Variants in SLC7A9 observed in about 807,000 individuals in gnomAD.
The protein encoded by SLC7A9 is B(0,+)-type amino acid transporter 1.
A neutral mutation model predicts 54.1 loss-of-function variants in SLC7A9; 38 were observed. The observed-to-expected ratio is 0.70, with a 90% CI of 0.54 to 0.92. SLC7A9 has a LOEUF of 0.92. Among genes scored for constraint, SLC7A9 ranks in the 40% least tolerant of loss-of-function variants. SLC7A9 has a pLI of 0.00. For synonymous variants in SLC7A9, 264 were observed against 258.9 expected (o/e 1.02, Z -0.19); for missense variants, 537 against 636.1 (o/e 0.84, Z 1.68).
rs530718911 is a variant in SLC7A9 at position 32,866,807 on chromosome 19, T to C, written c.87+1641A>G. ...CCTAAAGCCTTGGTGCCGTCCCTCC[T>C]CCATCCCCTCTGCTGCCAGGCATGG... On this transcript the variant is annotated intron_variant, in intron 2 of 12. Transcript: ENST00000023064. 9.2e-5 allele frequency among the ~76,000 whole-genome samples: 14 copies of C among 152,004 alleles called. 4 individuals are homozygous for C. Among genetic ancestry groups the C allele is most frequent in the African/African-American group, 3.4e-4 (14 of 41,480 alleles).
rs113261426 is a variant in SLC7A9, at chr19:32,843,963, C to T, written c.978-12G>A. On this transcript the variant is annotated splice_polypyrimidine_tract_variant and intron_variant, in intron 9 of 12. Coordinates refer to ENST00000023064, the MANE Select transcript of SLC7A9 (RefSeq NM_014270.5). ...CCACGTAAATGAGTCTGGAAAATAA[C>T]GACACGGGAGTCCGCTGACCAGAGT... is the stretch of plus-strand genomic sequence containing the variant. 78 of 1,599,608 alleles carry T rather than the reference C, an allele frequency of 4.9e-5. 3 individuals carry two copies. The highest frequency in any genetic ancestry group is 3.5e-4 in the African/African-American group (26 of 74,708).
rs545881735 is a variant in SLC7A9, at chr19:32,837,354, G to T, written c.1225-4031C>A. Among the ~76,000 whole-genome samples the T allele has an allele frequency of 1.1e-4, 16 of 152,192 alleles. No individual in the cohort carries two copies. The East Asian group carries it at 3.1e-3, about 29-fold the overall frequency. ...TACAAAAAATACAAAAATTAGCCAG[G>T]TGTGGTGGCGTGCACCTGTGGTCCC... On this transcript the variant is annotated intron_variant, in intron 11 of 12. Coordinates refer to ENST00000023064, the MANE Select transcript of SLC7A9 (RefSeq NM_014270.5).
At position 32,868,647 on chromosome 19, in the gene SLC7A9, T is replaced by G. The variant is rs1969050440; in HGVS notation, c.-111-2A>C. ...CTCGGCCTGGACTAGGGGAGCTGGC[T>G]GCAAAAGCACAGTGTTGGTTATTGC... On this transcript the variant is annotated splice_acceptor_variant, in intron 1 of 12. Transcript: ENST00000023064. LOFTEE classifies it low-confidence loss of function (5UTR_SPLICE). The G allele has an allele frequency of 8.1e-6, 7 of 865,426 alleles. No homozygotes were observed. Among genetic ancestry groups the G allele is most frequent in the Non-Finnish European group, 1.4e-5 (7 of 510,248 alleles). 53.6% of individuals were successfully genotyped at this position (865,426 alleles called of 1,614,324 possible).
At chr19:32,855,558 C>A (rs571380060) in intron 9 of SLC7A9, among the ~76,000 whole-genome samples, 4 of 152,112 alleles carry the variant, frequency 2.6e-5, no homozygotes, top group African/African-American at 4.8e-5. Flanking sequence ...AAAAATTAGC[C>A]GGGCGTGATG....
chr19:32,861,955 G>A (rs899774940), intron 6 of SLC7A9, among the ~76,000 whole-genome samples, 163 bp downstream of exon 6: 1 of 152,176 alleles, frequency 6.6e-6, no homozygotes, highest in African/African-American at 2.4e-5. Flanking sequence ...GAATAAAGGG[G>A]AGAGGTTGTC....
In SLC7A9 at chr19:32,844,857, C is replaced by CAAAAAAAAAAAAAAAAAAA. The variant is rs386388892; in HGVS notation, c.978-925_978-907dup. ...TGGACGACAGAGTGAGAATCCATCT[C>CAAAAAAAAAAAAAAAAAAA]AAAAAAAAAAAAAAAAAAAAAAAAA... On this transcript the variant is annotated intron_variant, in intron 9 of 12. Transcript: ENST00000023064. Among the ~76,000 whole-genome samples, 79 of 30,314 alleles carry CAAAAAAAAAAAAAAAAAAA rather than the reference C, an allele frequency of 2.6e-3. 17 individuals are homozygous for CAAAAAAAAAAAAAAAAAAA. Among genetic ancestry groups the CAAAAAAAAAAAAAAAAAAA allele is most frequent in the Non-Finnish European group, 3.9e-3 (67 of 16,988 alleles). 19.9% of individuals were successfully genotyped at this position (30,314 alleles called of 152,430 possible). A position where few individuals can be genotyped will look rare whatever the true frequency, so the allele number is the denominator to read the frequency against.
chr19:32,845,177 TAAATAAG>T (rs922129892), intron 9 of SLC7A9, among the ~76,000 whole-genome samples: 28 of 45,604 alleles, frequency 6.1e-4, no homozygotes, highest in African/African-American at 4.8e-3. Flanking sequence ...AAAATAAAAA[TAAATAAG>T]AGGAGAAGAT....
At chr19:32,862,095 C>G in intron 6 of SLC7A9, 23 bp downstream of exon 6, 1 of 1,531,660 alleles carries the variant, frequency 6.5e-7, no homozygotes, top group Non-Finnish European at 9.0e-7. Flanking sequence ...CCCCCAGACT[C>G]GGGACATCTC....
chr19:32,831,900 G>A (rs1967807351), intron 12 of SLC7A9, among the ~76,000 whole-genome samples: 1 of 152,228 alleles, frequency 6.6e-6, no homozygotes, highest in African/African-American at 2.4e-5. Flanking sequence ...GCATGATGGT[G>A]GGAATATGCC....
chr19:32,840,092 C>A (rs1401117351), intron 11 of SLC7A9, among the ~76,000 whole-genome samples: 1 of 151,296 alleles, frequency 6.6e-6, no homozygotes, highest in Non-Finnish European at 1.5e-5. Flanking sequence ...TTCTCTCAAA[C>A]CCTTTCTACT....
intron 9 of SLC7A9, among the ~76,000 whole-genome samples, chr19:32,856,793 T>C (rs923508545): frequency 2.0e-5 from 3 of 152,100 alleles, no homozygotes; most frequent in African/African-American, 7.2e-5. Flanking sequence ...CCCAGACTAG[T>C]CTCGAACTCC....
intron 7 of SLC7A9, 152 bp downstream of exon 7, chr19:32,860,454 G>C (rs902566166): frequency 3.4e-6 from 5 of 1,478,678 alleles, no homozygotes; most frequent in African/African-American, 1.5e-5. Flanking sequence ...CTAGGCAACA[G>C]AGCAAGACTC....
chr19:32,853,694 A>C (rs1235094900), intron 9 of SLC7A9, among the ~76,000 whole-genome samples: 1 of 152,118 alleles, frequency 6.6e-6, no homozygotes, highest in Non-Finnish European at 1.5e-5. Flanking sequence ...AGGCAGGTGG[A>C]TCACTTGAGG....
At chr19:32,850,502 C>G (rs1432457213) in intron 9 of SLC7A9, among the ~76,000 whole-genome samples, 3 of 151,888 alleles carry the variant, frequency 2.0e-5, no homozygotes, top group African/African-American at 7.3e-5. Flanking sequence ...AGGAGAACTA[C>G]AAACCACTGC....
intron 9 of SLC7A9, among the ~76,000 whole-genome samples, chr19:32,851,047 G>A (rs2145824886): frequency 6.6e-6 from 1 of 152,270 alleles, no homozygotes; most frequent in South Asian, 2.1e-4. Flanking sequence ...AGACTTACAT[G>A]TTAGACCTAA....
chr19:32,868,686 C>T (rs1007264772), intron 1 of SLC7A9, 41 bp from the exon 2 acceptor site: 16 of 705,890 alleles, frequency 2.3e-5, no homozygotes, highest in Non-Finnish European at 3.6e-5. Context: ...AGGTGGGGGC[C>T]GCTGCCAGTC....
rs1244423857 is a variant in SLC7A9 at position 32,842,299 on chromosome 19, A to C, written c.1093T>G (p.Tyr365Asp). ...IIFYGIIATIYIIPGDINSLV... is the reference protein window; with the variant it reads ...IIFYGIIATIDIIPGDINSLV... ...GAGTTTATGTCACCAGGGATGATAT[A>C]AATCGTTGCTATGATACCCTAATAG... Residue 365 changes from tyrosine (Y) to aspartate (D), a missense_variant, in exon 11 of 13, where the codon TAT becomes GAT. Tyr to Asp is a radical substitution (Grantham distance 160, BLOSUM62 -3). Coordinates refer to ENST00000023064, the MANE Select transcript of SLC7A9 (RefSeq NM_014270.5). 3 of 1,613,982 alleles carry C rather than the reference A, an allele frequency of 1.9e-6. No individual in the cohort carries two copies. The highest frequency in any genetic ancestry group is 2.5e-6 in the Non-Finnish European group (3 of 1,179,836).
chr19:32,868,780 T>C, intron 1 of SLC7A9, 135 bp from the exon 2 acceptor site: 1 of 574,298 alleles, frequency 1.7e-6, no homozygotes, highest in South Asian at 1.9e-5. Context: ...CCCGCTGCTC[T>C]CCAAAGCTCA....
intron 9 of SLC7A9, among the ~76,000 whole-genome samples, chr19:32,848,350 A>C (rs1772736275): frequency 6.6e-6 from 1 of 152,118 alleles, no homozygotes; most frequent in Non-Finnish European, 1.5e-5. Flanking sequence ...AGATCTACCA[A>C]GCAAATGGAA....
Sources: gnomAD v4.1 joint callset for allele counts (sites outside exome capture counted in the v4.1 genomes callset) on GRCh38, gnomAD v4.1.1 for gene constraint, MANE v1.5 for transcripts, NCBI Gene and HGNC (gene_info 2026-07-23, HGNC 2026-07-21) for gene names.